The following CYP7B1 variants were observed in gnomAD, a reference collection of about 807,000 sequenced individuals.
CYP7B1 encodes the protein cytochrome P450 7B1.
A neutral mutation model predicts 42.7 loss-of-function variants in CYP7B1; 29 were observed. That is an observed-to-expected ratio of 0.68 (90% CI 0.51 to 0.93). The LOEUF (loss-of-function observed/expected upper bound fraction) is 0.93, where lower values mean the gene tolerates loss of function less well. CYP7B1 is among the 40% of genes least tolerant of loss of function. The pLI is 0.00. For missense variants in CYP7B1, 655 were observed against 600.5 expected (o/e 1.09, Z -0.95); for synonymous variants, 235 against 218.2 (o/e 1.08, Z -0.68).
rs74427309 is a variant in CYP7B1 at position 64,594,153 on chromosome 8, C to T, written c.*2489G>A. Among the ~76,000 whole-genome samples the T allele has an allele frequency of 6.9e-3, 1,046 of 152,036 alleles. 15 individuals are homozygous for T. The highest frequency in any genetic ancestry group is 0.024 in the African/African-American group (978 of 41,458). On this transcript the variant is annotated 3_prime_UTR_variant, in exon 6 of 6. Coordinates refer to ENST00000310193, the MANE Select transcript of CYP7B1 (RefSeq NM_004820.5). The stretch of plus-strand genomic sequence containing the variant: ...GCTTGGGGACAAGGCATTTAGCAGC[C>T]CTGGGCTGAGATGGTTAGGCACAGT...
chr8:64,744,988 TTAAATA>T (rs1320329154), intron 1 of CYP7B1, among the ~76,000 whole-genome samples: 23 of 152,330 alleles, frequency 1.5e-4, no homozygotes, highest in African/African-American at 5.0e-4. Flanking sequence ...CAAATAATTA[TTAAATA>T]TAAACACATA....
At chr8:64,599,719 G>A (rs1183632071) in intron 5 of CYP7B1, among the ~76,000 whole-genome samples, 1 of 152,156 alleles carries the variant, frequency 6.6e-6, no homozygotes, top group Non-Finnish European at 1.5e-5. Flanking sequence ...GACTGGTTTG[G>A]GATAGAATTG....
chr8:64,695,001 CATAAG>C (rs1188101135), intron 1 of CYP7B1, among the ~76,000 whole-genome samples: 1 of 152,084 alleles, frequency 6.6e-6, no homozygotes. Context: ...GTCAATAATG[CATAAG>C]ATAAGACATT....
chr8:64,701,590 C>T (rs1806917081), intron 1 of CYP7B1, among the ~76,000 whole-genome samples: 1 of 151,992 alleles, frequency 6.6e-6, no homozygotes, highest in Admixed American at 6.6e-5. Context: ...TGTGATTCTG[C>T]TTAAATGCCT....
intron 2 of CYP7B1, among the ~76,000 whole-genome samples, chr8:64,617,683 T>C (rs959441399): frequency 6.6e-6 from 1 of 152,084 alleles, no homozygotes; most frequent in Admixed American, 6.6e-5. Flanking sequence ...TTTGTGTCTG[T>C]GTGTCTGTGT....
At chr8:64,732,422 T>C (rs544148319) in intron 1 of CYP7B1, among the ~76,000 whole-genome samples, 2 of 152,178 alleles carry the variant, frequency 1.3e-5, no homozygotes, top group Non-Finnish European at 2.9e-5. Flanking sequence ...ATTTCTCCCA[T>C]CTGAAATGGG....
At chr8:64,797,079 G>T (rs1162461167) in intron 1 of CYP7B1, among the ~76,000 whole-genome samples, 2 of 152,156 alleles carry the variant, frequency 1.3e-5, no homozygotes, top group Non-Finnish European at 2.9e-5. Flanking sequence ...GCAGTTGATG[G>T]CATGAATATC....
At chr8:64,599,283 G>T (rs1054483820) in intron 5 of CYP7B1, among the ~76,000 whole-genome samples, 3 of 152,026 alleles carry the variant, frequency 2.0e-5, no homozygotes, top group South Asian at 2.1e-4. Context: ...CTGCCTCCTG[G>T]GTTCACGCCA....
chr8:64,709,401 A>G (rs1262016591), intron 1 of CYP7B1, among the ~76,000 whole-genome samples: 2 of 152,238 alleles, frequency 1.3e-5, no homozygotes, highest in Non-Finnish European at 2.9e-5. Flanking sequence ...CCCACTGCAT[A>G]AAAACTTTAA....
intron 1 of CYP7B1, among the ~76,000 whole-genome samples, chr8:64,786,366 G>A (rs1392033841): frequency 3.3e-5 from 5 of 152,162 alleles, no homozygotes; most frequent in Admixed American, 2.0e-4. Flanking sequence ...GAAGCTACAG[G>A]AATTGGGTAA....
rs763202430 is a variant in CYP7B1, at chr8:64,624,485, G to T, written c.177C>A (p.Val59=). 5.3e-5 allele frequency: 85 copies of T among 1,612,834 alleles called. No individual in the cohort carries two copies. In the East Asian group the frequency reaches 1.8e-3, roughly 34 times the overall value. Residue 59 remains valine, a synonymous_variant, in exon 2 of 6, where the codon GTC becomes GTA. Coordinates refer to ENST00000310193, the MANE Select transcript of CYP7B1 (RefSeq NM_004820.5). ...IKGWLPYLGV[V]LNLRKDPLRF... ...TTAAGGGGTCTTTTCGTAAGTTCAG[G>T]ACCACTCCAAGATAAGGAAGCCAAC...
intron 1 of CYP7B1, among the ~76,000 whole-genome samples, chr8:64,710,407 C>T (rs1585870357): frequency 6.6e-6 from 1 of 152,172 alleles, no homozygotes; most frequent in Non-Finnish European, 1.5e-5. Context: ...TGCCAACCTA[C>T]TCACTTTGCA....
chr8:64,771,072 T>TTTTTTG, intron 1 of CYP7B1, among the ~76,000 whole-genome samples: 1 of 122,754 alleles, frequency 8.1e-6, no homozygotes, highest in South Asian at 2.6e-4. Flanking sequence ...TTTTTTTTTT[T>TTTTTTG]TTTTTTTTAG....
chr8:64,768,357 C>T (rs1007408260), intron 1 of CYP7B1, among the ~76,000 whole-genome samples: 1 of 148,776 alleles, frequency 6.7e-6, no homozygotes, highest in African/African-American at 2.5e-5. Flanking sequence ...AATCGTGCAA[C>T]TCCAAAAAAA....
chr8:64,724,287 C>T (rs904578026), intron 1 of CYP7B1, among the ~76,000 whole-genome samples: 1 of 152,126 alleles, frequency 6.6e-6, no homozygotes, highest in South Asian at 2.1e-4. Flanking sequence ...GCTGGGACTA[C>T]AGGCATGTGC....
intron 1 of CYP7B1, among the ~76,000 whole-genome samples, chr8:64,749,466 C>G (rs970591906): frequency 2.0e-4 from 30 of 152,014 alleles, no homozygotes; most frequent in Admixed American, 7.9e-4. Context: ...CATAGTAATC[C>G]AGGTAAATGA....
intron 1 of CYP7B1, among the ~76,000 whole-genome samples, chr8:64,747,532 A>G (rs1326608099): frequency 6.6e-6 from 1 of 151,746 alleles, no homozygotes; most frequent in Non-Finnish European, 1.5e-5. Context: ...AAGCTAGAGA[A>G]AAGCAAATGC....
intron 1 of CYP7B1, among the ~76,000 whole-genome samples, chr8:64,789,579 A>G (rs1007762546): frequency 2.6e-5 from 4 of 152,158 alleles, no homozygotes; most frequent in Non-Finnish European, 5.9e-5. Context: ...CTCTACCCTC[A>G]CCCAGAGGAT....
At chr8:64,713,734 G>C (rs559673500) in intron 1 of CYP7B1, among the ~76,000 whole-genome samples, 2 of 152,156 alleles carry the variant, frequency 1.3e-5, no homozygotes, top group African/African-American at 4.8e-5. Flanking sequence ...ATAAAGCAAT[G>C]CAAGTAATTG....
Sources: gnomAD v4.1 joint callset for allele counts (sites outside exome capture counted in the v4.1 genomes callset) on GRCh38, gnomAD v4.1.1 for gene constraint, MANE v1.5 for transcripts, NCBI Gene and HGNC (gene_info 2026-07-23, HGNC 2026-07-21) for gene names.